The following HS3ST4 variants were observed in gnomAD, a reference collection of about 807,000 sequenced individuals.
HS3ST4 encodes heparan sulfate glucosamine 3-O-sulfotransferase 4.
A neutral mutation model predicts 29.2 loss-of-function variants in HS3ST4; 17 were observed. That is an observed-to-expected ratio of 0.58 (90% CI 0.40 to 0.87). The LOEUF is 0.87. HS3ST4 is among the 40% of genes least tolerant of loss of function. HS3ST4 has a pLI of 0.00. For missense variants in HS3ST4, 627 were observed against 634.5 expected, an observed-to-expected ratio of 0.99 and a Z score of 0.13; for synonymous variants, 314 against 285.7, an observed-to-expected ratio of 1.10 and a Z score of -1.00.
At chr16:25,899,130 G>T (rs1002072628) in intron 1 of HS3ST4, among the ~76,000 whole-genome samples, 1 of 152,138 alleles carries the variant, frequency 6.6e-6, no homozygotes, top group African/African-American at 2.4e-5. Context: ...CTCCATGACT[G>T]AAAGATCCTG....
intron 1 of HS3ST4, among the ~76,000 whole-genome samples, chr16:25,966,002 T>C (rs1567283183): frequency 6.6e-6 from 1 of 152,222 alleles, no homozygotes; most frequent in African/African-American, 2.4e-5. Flanking sequence ...TTTAACATTG[T>C]ATCTCTACTT....
intron 1 of HS3ST4, among the ~76,000 whole-genome samples, chr16:25,759,803 C>T (rs564962411): frequency 3.3e-5 from 5 of 152,060 alleles, no homozygotes; most frequent in Non-Finnish European, 5.9e-5. Flanking sequence ...TGGTGGGCTC[C>T]TGTAGTCCCA....
intron 1 of HS3ST4, among the ~76,000 whole-genome samples, chr16:25,725,682 A>G (rs939841766): frequency 6.6e-6 from 1 of 151,242 alleles, no homozygotes; most frequent in Non-Finnish European, 1.5e-5. Flanking sequence ...GAACTTATAT[A>G]TTGCAATTTA....
At chr16:25,815,848 G>A (rs914410288) in intron 1 of HS3ST4, among the ~76,000 whole-genome samples, 14 of 152,074 alleles carry the variant, frequency 9.2e-5, no homozygotes, top group Admixed American at 6.6e-4. Flanking sequence ...CCAGCCTCAC[G>A]AAACTTTCCA....
At chr16:25,702,371 G>A (rs1966339897) in intron 1 of HS3ST4, among the ~76,000 whole-genome samples, 2 of 152,170 alleles carry the variant, frequency 1.3e-5, no homozygotes, top group African/African-American at 4.8e-5. Flanking sequence ...AATACTGTGT[G>A]TATAGAACCA....
chr16:25,697,713 TTTGAGACGGGGTCTCGCTC>T (rs1162629765), intron 1 of HS3ST4, among the ~76,000 whole-genome samples: 6 of 152,196 alleles, frequency 3.9e-5, no homozygotes, highest in Non-Finnish European at 8.8e-5. Context: ...TTTCTTTTTT[TTTGAGACGGGGTCTCGCTC>T]TGTTGCCAGG....
chr16:25,734,770 C>T (rs1966595738), intron 1 of HS3ST4, among the ~76,000 whole-genome samples: 1 of 152,106 alleles, frequency 6.6e-6, no homozygotes, highest in African/African-American at 2.4e-5. Context: ...CCAACAGAAG[C>T]CTTTGAGAGA....
chr16:26,024,191 C>G (rs1969444465), intron 1 of HS3ST4, among the ~76,000 whole-genome samples: 1 of 150,198 alleles, frequency 6.7e-6, no homozygotes, highest in South Asian at 2.1e-4. Flanking sequence ...CCACTGCACT[C>G]CAGCCCAGGC....
intron 1 of HS3ST4, among the ~76,000 whole-genome samples, chr16:25,914,373 T>C (rs1399134869): frequency 2.6e-5 from 4 of 150,950 alleles, no homozygotes; most frequent in South Asian, 4.2e-4. Flanking sequence ...TGGGGCTGGA[T>C]GTGATGTTTT....
intron 1 of HS3ST4, among the ~76,000 whole-genome samples, chr16:25,765,008 T>A (rs1352341577): frequency 1.3e-5 from 2 of 152,036 alleles, no homozygotes; most frequent in African/African-American, 2.4e-5. Flanking sequence ...TAAGAAGAAA[T>A]GGAGGTGAGC....
intron 1 of HS3ST4, among the ~76,000 whole-genome samples, chr16:25,848,138 C>CT (rs539703557): frequency 3.9e-4 from 58 of 147,866 alleles, no homozygotes; most frequent in African/African-American, 5.9e-4. Flanking sequence ...TATTTGCTAA[C>CT]TTTTTTTTTT....
chr16:26,106,536 C>G (rs1899059288), intron 1 of HS3ST4, among the ~76,000 whole-genome samples: 1 of 152,186 alleles, frequency 6.6e-6, no homozygotes, highest in South Asian at 2.1e-4. Flanking sequence ...TTGAATAACT[C>G]AAAGGGTCCT....
intron 1 of HS3ST4, among the ~76,000 whole-genome samples, chr16:25,733,419 G>T (rs1966585463): frequency 6.6e-6 from 1 of 152,088 alleles, no homozygotes; most frequent in Non-Finnish European, 1.5e-5. Flanking sequence ...CAGGTCTGTG[G>T]CCACATTCAC....
intron 1 of HS3ST4, among the ~76,000 whole-genome samples, chr16:26,038,419 G>T (rs1969604683): frequency 6.6e-6 from 1 of 152,018 alleles, no homozygotes; most frequent in Non-Finnish European, 1.5e-5. Context: ...AAAATCACAA[G>T]GAAACCTGTG....
chr16:25,910,818 T>C (rs1458929787), intron 1 of HS3ST4, among the ~76,000 whole-genome samples: 1 of 152,048 alleles, frequency 6.6e-6, no homozygotes, highest in African/African-American at 2.4e-5. Flanking sequence ...AATATTATTA[T>C]GGTAATGTTA....
At chr16:25,958,313 A>G (rs1328530995) in intron 1 of HS3ST4, among the ~76,000 whole-genome samples, 1 of 152,168 alleles carries the variant, frequency 6.6e-6, no homozygotes, top group African/African-American at 2.4e-5. Flanking sequence ...CAATTAGAAC[A>G]GAGTGAAGTT....
At chr16:25,728,247 G>A (rs1242279739) in intron 1 of HS3ST4, among the ~76,000 whole-genome samples, 1 of 152,120 alleles carries the variant, frequency 6.6e-6, no homozygotes, top group Non-Finnish European at 1.5e-5. Flanking sequence ...TGATCTGACT[G>A]CCTTGGCCTC....
At chr16:25,849,129 G>A (rs1967493499) in intron 1 of HS3ST4, among the ~76,000 whole-genome samples, 1 of 152,080 alleles carries the variant, frequency 6.6e-6, no homozygotes, top group South Asian at 2.1e-4. Flanking sequence ...TACATTTACT[G>A]TGTTAATTCT....
intron 1 of HS3ST4, among the ~76,000 whole-genome samples, chr16:26,113,860 T>C (rs1290749325): frequency 6.6e-6 from 1 of 152,026 alleles, no homozygotes; most frequent in Non-Finnish European, 1.5e-5. Flanking sequence ...TAGTAGTAAT[T>C]TTTAGTTTGG....
Sources: allele counts gnomAD v4.1 joint callset (sites outside exome capture counted in the v4.1 genomes callset), GRCh38; gene constraint gnomAD v4.1.1; transcripts MANE v1.5; gene names NCBI Gene and HGNC (gene_info 2026-07-23, HGNC 2026-07-21).